Variants in RYR1 observed in about 807,000 individuals in gnomAD.
RYR1 encodes central core disease of muscle.
RYR1 carries 342 observed loss-of-function variants against 583.5 expected under a neutral mutation model. The ratio of observed to expected loss-of-function variants is 0.59; its 90% CI spans 0.54 to 0.64. RYR1 has a LOEUF of 0.64. RYR1 is among the 30% of genes least tolerant of loss of function. The pLI, the probability that RYR1 is intolerant of heterozygous loss-of-function variation, is 0.00. For synonymous variants in RYR1, 2,791 were observed against 2,822.5 expected (o/e 0.99, Z 0.35); for missense variants, 6,032 against 6,917.2 (o/e 0.87, Z 4.54).
At position 38,473,565 on chromosome 19, in the gene RYR1, C is replaced by A; in HGVS notation, c.3954C>A (p.Ala1318=). The A allele has an allele frequency of 6.3e-7, 1 of 1,599,330 alleles. No individual in the cohort carries two copies. Among genetic ancestry groups the A allele is most frequent in the Non-Finnish European group, 8.5e-7 (1 of 1,173,706 alleles). ...PLAPPGLQPP[A]EDEARAAEPD... is the part of the protein sequence containing the mutation. ...CACCTCCTGGCCTGCAGCCCCCCGC[C>A]GAGGACGAGGCCCGGGCGGCGGAAC... Residue 1318 remains alanine (A), a synonymous_variant, in exon 28 of 106, where the codon GCC becomes GCA. Transcript: ENST00000359596.
At position 38,496,595 on chromosome 19, in the gene RYR1, G is replaced by A. The variant is rs561723125; in HGVS notation, c.6796+54G>A. On this transcript the variant is annotated intron_variant, in intron 41 of 105. Coordinates refer to ENST00000359596, the MANE Select transcript of RYR1 (RefSeq NM_000540.3). This position sits in a 1 kb window ranked among gnomAD's most constrained non-coding sequence, Gnocchi z 4.8. ...CCCCAGAACCCACTCCTGGCACCCC[G>A]TCCAGGCCTGCCCCACTTTCCACCA... 1.4e-4 allele frequency: 223 copies of A among 1,603,486 alleles called. No individual in the cohort carries two copies. Among genetic ancestry groups the A allele is most frequent in the African/African-American group, 5.9e-4 (44 of 74,838 alleles).
At chr19:38,505,234 C>G (rs574643592) in intron 52 of RYR1, 75 bp from the exon 53 acceptor site, 1 of 1,215,998 alleles carries the variant, frequency 8.2e-7, no homozygotes, top group Non-Finnish European at 1.2e-6. Flanking sequence ...ATTCTCTGTC[C>G]TCGGCTCCTC....
intron 94 of RYR1, among the ~76,000 whole-genome samples, chr19:38,571,519 C>T (rs1035827602): frequency 6.6e-6 from 1 of 152,074 alleles, no homozygotes; most frequent in African/African-American, 2.4e-5. Flanking sequence ...CACCTGTAAT[C>T]CAAGCTATGC....
At chr19:38,435,847 A>G (rs769467095) in intron 1 of RYR1, among the ~76,000 whole-genome samples, 3 of 152,244 alleles carry the variant, frequency 2.0e-5, no homozygotes, top group Non-Finnish European at 2.9e-5. Context: ...TTATTGAGGT[A>G]TAATTGACCT....
chr19:38,478,400 A>G (rs753653961), intron 30 of RYR1, 35 bp from the exon 31 acceptor site: 7 of 1,609,482 alleles, frequency 4.3e-6, no homozygotes, highest in Non-Finnish European at 5.9e-6. Flanking sequence ...AGCTACTCAC[A>G]TGAGGAGTGC....
At chr19:38,497,312 G>A (rs542882903) in intron 42 of RYR1, among the ~76,000 whole-genome samples, 2 of 152,310 alleles carry the variant, frequency 1.3e-5, no homozygotes, top group East Asian at 1.9e-4. Context: ...GTTGGGGGCC[G>A]ATCCACAGTC....
intron 89 of RYR1, among the ~76,000 whole-genome samples, chr19:38,559,312 C>T (rs1568573570): frequency 6.8e-6 from 1 of 147,794 alleles, no homozygotes; most frequent in Non-Finnish European, 1.5e-5. Flanking sequence ...TGGCTCACTG[C>T]AACATCCGCC....
intron 49 of RYR1, 21 bp from the exon 50 acceptor site, chr19:38,504,199 C>T (rs1325249922): frequency 6.2e-7 from 1 of 1,602,552 alleles, no homozygotes; most frequent in Non-Finnish European, 8.5e-7. Context: ...ATTTGTGTGT[C>T]CCCCTCTTGT....
At position 38,578,091 on chromosome 19, in the gene RYR1, G is replaced by A. The variant is rs376978923; in HGVS notation, c.14303+43G>A. The A allele has an allele frequency of 2.0e-5, 32 of 1,613,556 alleles. No homozygotes were observed. In the African/African-American group the frequency reaches 4.0e-4, roughly 20 times the overall value. On this transcript the variant is annotated intron_variant, in intron 98 of 105. Transcript: ENST00000359596. ...CTGCACAGGCCTGGGGCATGCAGGGGAGGTGACTGGAGTCTGACACTCAAG... is the reference window on the plus strand; with the variant it reads ...CTGCACAGGCCTGGGGCATGCAGGGAAGGTGACTGGAGTCTGACACTCAAG...
chr19:38,464,104 C>T (rs911692389), intron 22 of RYR1, among the ~76,000 whole-genome samples: 26 of 151,752 alleles, frequency 1.7e-4, no homozygotes, highest in Non-Finnish European at 1.5e-4. Flanking sequence ...TGGCAAAACC[C>T]CGTCTCTACT....
chr19:38,496,217 A>G lies in RYR1; in HGVS notation c.6551A>G (p.Asn2184Ser), dbSNP rs1473922354. ...CCGCACACTCTGCCCGTGCACAGGAACATCATGAACAACAAAGTCTTCTAC... is the reference window on the plus strand; with the variant it reads ...CCGCACACTCTGCCCGTGCACAGGAGCATCATGAACAACAAAGTCTTCTAC... ...EENLMIQSIGNIMNNKVFYQH... is the reference protein window; with the variant it reads ...EENLMIQSIGSIMNNKVFYQH... The change falls in exon 40 of 106, where the codon AAC becomes AGC. Residue 2184 changes from asparagine (N) to serine (S), a missense_variant and splice_region_variant. This residue lies in a region of RYR1 where 2,627 missense variants were observed against 2,961.3 expected (regional missense o/e 0.89). Transcript: ENST00000359596. This position sits in a 1 kb window ranked among gnomAD's most constrained non-coding sequence, Gnocchi z 4.8. 1 of 1,613,294 alleles carries G rather than the reference A, an allele frequency of 6.2e-7. No homozygotes were observed. Among genetic ancestry groups the G allele is most frequent in the Non-Finnish European group, 8.5e-7 (1 of 1,179,896 alleles).
Position 38,444,652 on chromosome 19 carries a change from C to T in RYR1, c.606C>T (p.Asn202=). 6.2e-7 allele frequency: 1 copy of T among 1,613,838 alleles called. No individual in the cohort carries two copies. Among genetic ancestry groups the T allele is most frequent in the Non-Finnish European group, 8.5e-7 (1 of 1,179,836 alleles). Residue 202 remains asparagine (N), a synonymous_variant, in exon 7 of 106, where the codon AAC becomes AAT. Transcript: ENST00000359596. The surrounding 1 kb of genome is among the most constrained non-coding windows in gnomAD (Gnocchi z 5.1). ...ASFMQTLWNM[N]PICSRCEEGF... The stretch of plus-strand genomic sequence containing the variant: ...TCATGCAGACACTATGGAACATGAA[C>T]CCCATCTGCTCCCGCTGCGAAGAGG...
At chr19:38,436,464 C>G (rs1972432518) in intron 1 of RYR1, among the ~76,000 whole-genome samples, 1 of 152,094 alleles carries the variant, frequency 6.6e-6, no homozygotes, top group African/African-American at 2.4e-5. Context: ...CGGCCTTGGC[C>G]TCCCAAAGTT....
chr19:38,465,997 T>C, intron 23 of RYR1, 94 bp from the exon 24 acceptor site: 1 of 1,235,962 alleles, frequency 8.1e-7, no homozygotes, highest in South Asian at 1.3e-5. Context: ...ACGCCGAAGC[T>C]GGGACAAGGG....
chr19:38,552,828 G>A (rs1972722759), intron 89 of RYR1, among the ~76,000 whole-genome samples: 1 of 152,056 alleles, frequency 6.6e-6, no homozygotes, highest in African/African-American at 2.4e-5. Flanking sequence ...TACAAGAGAA[G>A]CAAAAAGCAT....
chr19:38,492,687 A>ACCCC, intron 38 of RYR1, 51 bp downstream of exon 38: 1 of 1,556,218 alleles, frequency 6.4e-7, no homozygotes, highest in Non-Finnish European at 8.7e-7. Context: ...GGGTAGCCCC[A>ACCCC]TGCCTGCGGA....
intron 58 of RYR1, among the ~76,000 whole-genome samples, chr19:38,508,402 C>T (rs574765046): frequency 2.0e-5 from 3 of 152,154 alleles, no homozygotes; most frequent in Admixed American, 6.5e-5. Context: ...TTAGTAGAGA[C>T]GGGGTTTCAC....
chr19:38,503,054 G>T (rs967047408), intron 49 of RYR1, 84 bp downstream of exon 49: 23 of 1,352,864 alleles, frequency 1.7e-5, no homozygotes, highest in Non-Finnish European at 2.4e-5. Flanking sequence ...GCTCATTTGT[G>T]TCGGCACTGC....
intron 84 of RYR1, among the ~76,000 whole-genome samples, chr19:38,541,999 G>A (rs1178722817): frequency 2.0e-5 from 3 of 150,064 alleles, no homozygotes; most frequent in Admixed American, 6.6e-5. Flanking sequence ...AACCCAGGAG[G>A]TCAAGGCTGC....
Sources: gnomAD v4.1 joint callset for allele counts (sites outside exome capture counted in the v4.1 genomes callset) on GRCh38, gnomAD v4.1.1 for gene constraint, gnomAD v4.1.1 regional missense constraint, Gnocchi (gnomAD v3.1) non-coding constraint, MANE v1.5 for transcripts, NCBI Gene and HGNC (gene_info 2026-07-23, HGNC 2026-07-21) for gene names.